HIVEP3: variants seen among roughly 807,000 people sequenced by gnomAD.
The protein encoded by HIVEP3 is HIVEP zinc finger 3.
HIVEP3 carries 49 observed loss-of-function variants against 152.8 expected under a neutral mutation model. The ratio of observed to expected loss-of-function variants is 0.32; its 90% confidence interval spans 0.26 to 0.41. HIVEP3 has a LOEUF of 0.41. HIVEP3 is among the 10% of genes least tolerant of loss of function. The probability of loss-of-function intolerance (pLI) is 1.00; values close to 1 mark genes in which losing one functional copy is unlikely to be tolerated. For missense variants in HIVEP3, 2,790 were observed against 3,103.3 expected (o/e 0.90, Z 2.40); for synonymous variants, 1,269 against 1,289.0 (o/e 0.98, Z 0.33).
chr1:41,780,208 G>A (rs1052803210), intron 1 of HIVEP3, among the ~76,000 whole-genome samples: 3 of 146,534 alleles, frequency 2.0e-5, no homozygotes, highest in African/African-American at 7.6e-5. Flanking sequence ...GCCAGTTCAT[G>A]TTGTGCAGAG....
intron 3 of HIVEP3, among the ~76,000 whole-genome samples, chr1:41,593,662 A>G (rs1206159499): frequency 6.6e-6 from 1 of 152,230 alleles, no homozygotes; most frequent in Non-Finnish European, 1.5e-5. Context: ...CCTCCTGCCT[A>G]TCTGGAATAT....
In HIVEP3 at chr1:41,524,890, T is replaced by C; in HGVS notation, c.5228A>G (p.Tyr1743Cys). The C allele has an allele frequency of 6.2e-7, 1 of 1,613,790 alleles. No homozygotes were observed. The highest frequency in any genetic ancestry group is 8.5e-7 in the Non-Finnish European group (1 of 1,179,862). Residue 1743 changes from tyrosine to cysteine, a missense_variant, in exon 6 of 9, where the codon TAT (tyrosine) becomes TGT (cysteine). Physicochemically the swap from Tyr to Cys is radical, Grantham distance 194. Around this residue, in one of 9 missense-constraint regions of HIVEP3, gnomAD observed 57 missense variants for 95.1 expected, o/e 0.60. Transcript: ENST00000372583. ...FEGGYKSNEE[Y>C]VYVRGRGRGK... ...TCGGCCGCGGCCTCGCACATATACA[T>C]ACTCTTCGTTTGATTTGTACCTATG...
chr1:41,749,331 C>A (rs1054156395), intron 1 of HIVEP3, among the ~76,000 whole-genome samples: 1 of 151,458 alleles, frequency 6.6e-6, no homozygotes, highest in Non-Finnish European at 1.5e-5. Flanking sequence ...GCAAAAAATG[C>A]ATATGATTCC....
intron 1 of HIVEP3, among the ~76,000 whole-genome samples, chr1:41,842,837 A>G (rs1020316466): frequency 2.6e-5 from 4 of 152,160 alleles, no homozygotes; most frequent in Non-Finnish European, 5.9e-5. Context: ...CACTAAGGCC[A>G]GCAGCCTCTT....
intron 2 of HIVEP3, among the ~76,000 whole-genome samples, chr1:41,658,770 C>T (rs1256605123): frequency 6.6e-6 from 1 of 152,192 alleles, no homozygotes; most frequent in African/African-American, 2.4e-5. Context: ...GAGTGCTCTG[C>T]AGCCGATCAG....
chr1:41,824,178 C>G (rs1161187707), intron 1 of HIVEP3, among the ~76,000 whole-genome samples: 2 of 152,162 alleles, frequency 1.3e-5, no homozygotes, highest in African/African-American at 4.8e-5. Context: ...ATGTAAGAAA[C>G]TGGTCCCAGG....
chr1:41,771,666 T>TTTTG (rs1648380160), intron 1 of HIVEP3, among the ~76,000 whole-genome samples: 1 of 152,018 alleles, frequency 6.6e-6, no homozygotes, highest in Non-Finnish European at 1.5e-5. Flanking sequence ...TGGCAGGTTT[T>TTTTG]TTTGTTTTGT....
At chr1:41,788,576 C>A (rs548477838) in intron 1 of HIVEP3, among the ~76,000 whole-genome samples, 1 of 151,756 alleles carries the variant, frequency 6.6e-6, no homozygotes, top group Non-Finnish European at 1.5e-5. Flanking sequence ...CCGGGCAAGC[C>A]CATTTGCTAC....
Position 41,512,858 on chromosome 1 carries a change from G to A in HIVEP3, c.6363C>T (p.His2121=). Residue 2121 remains histidine (H), a synonymous_variant, in exon 8 of 9, where the codon CAC becomes CAT. Coordinates refer to ENST00000372583, the MANE Select transcript of HIVEP3 (RefSeq NM_024503.5). ...TCTCTGGGCTTCTGCTGAGGAGCTT[G>A]TGAGGTAGAGGCGCGGGCGGGAAGA... is the stretch of plus-strand genomic sequence containing the variant. The part of the protein sequence containing the change: ...RVLFPPAPLP[H]KLLSRSPETC... The A allele has an allele frequency of 6.5e-7, 1 of 1,544,184 alleles. No homozygotes were observed. Among genetic ancestry groups the A allele is most frequent in the Non-Finnish European group, 8.8e-7 (1 of 1,140,402 alleles).
At chr1:41,959,582 C>T (rs1405281460) in intron 1 of HIVEP3, among the ~76,000 whole-genome samples, 1 of 152,244 alleles carries the variant, frequency 6.6e-6, no homozygotes, top group Non-Finnish European at 1.5e-5. Flanking sequence ...TTGGACATAA[C>T]ACCCTGTACA....
chr1:41,569,060 C>T (rs1644212740), intron 5 of HIVEP3, among the ~76,000 whole-genome samples: 1 of 152,202 alleles, frequency 6.6e-6, no homozygotes, highest in Admixed American at 6.5e-5. Context: ...GCACCTGCTT[C>T]CCCTTCACCT....
intron 1 of HIVEP3, among the ~76,000 whole-genome samples, chr1:41,853,706 G>T (rs979636564): frequency 3.9e-5 from 6 of 152,314 alleles, no homozygotes; most frequent in African/African-American, 7.2e-5. Flanking sequence ...GTTCCAGGCT[G>T]AGAGGAGTGA....
chr1:41,632,144 C>G (rs1645204013), intron 2 of HIVEP3, among the ~76,000 whole-genome samples: 1 of 152,184 alleles, frequency 6.6e-6, no homozygotes, highest in Non-Finnish European at 1.5e-5. Flanking sequence ...TTCTAGATTG[C>G]ATACAACTCA....
At chr1:41,972,241 C>T (rs1394112580) in intron 1 of HIVEP3, among the ~76,000 whole-genome samples, 1 of 152,198 alleles carries the variant, frequency 6.6e-6, no homozygotes, top group Admixed American at 6.5e-5. Context: ...TTTCCACCTC[C>T]CCTCTGCTAT....
intron 2 of HIVEP3, among the ~76,000 whole-genome samples, chr1:41,640,867 GCAGGAGGGCC>G (rs1035189312): frequency 4.6e-5 from 7 of 152,034 alleles, no homozygotes; most frequent in Non-Finnish European, 7.4e-5. Flanking sequence ...GCCTTGCACT[GCAGGAGGGCC>G]CAAGGCTCTG....
chr1:41,777,541 A>T (rs1648784554), intron 1 of HIVEP3, among the ~76,000 whole-genome samples: 1 of 152,236 alleles, frequency 6.6e-6, no homozygotes, highest in Non-Finnish European at 1.5e-5. Flanking sequence ...ACTATTATAT[A>T]GCCTAACACC....
intron 4 of HIVEP3, 35 bp from the exon 5 acceptor site, chr1:41,575,724 G>T (rs1558075238): frequency 4.4e-6 from 7 of 1,608,704 alleles, no homozygotes; most frequent in Non-Finnish European, 6.0e-6. Flanking sequence ...ATCATTGCTG[G>T]TTAAAAGTGC....
In HIVEP3 at chr1:41,513,348, A is replaced by G; in HGVS notation, c.5873T>C (p.Leu1958Ser). The stretch of plus-strand genomic sequence containing the variant: ...TCTTGGGGACACAGGCTTGTAGCTC[A>G]AGGCTGAGCCTGTGTCTTTCTCCAC... ...GSVEKDTGSA[L>S]SYKPVSPRRP... Residue 1958 changes from leucine (L) to serine (S), a missense_variant, in exon 8 of 9, where the codon TTG becomes TCG. Leu to Ser is a moderately radical substitution (Grantham distance 145). This residue lies in a region of HIVEP3 where 816 missense variants were observed against 806.5 expected (regional missense o/e 1.01). Coordinates refer to ENST00000372583, the MANE Select transcript of HIVEP3 (RefSeq NM_024503.5). The G allele has an allele frequency of 6.2e-7, 1 of 1,612,762 alleles. No individual in the cohort carries two copies. The highest frequency in any genetic ancestry group is 8.5e-7 in the Non-Finnish European group (1 of 1,179,944).
chr1:41,734,756 G>A (rs541050321), intron 1 of HIVEP3, among the ~76,000 whole-genome samples: 4 of 152,328 alleles, frequency 2.6e-5, no homozygotes, highest in East Asian at 1.9e-4. Context: ...GGGGCAGGAC[G>A]GCAGTTGAGG....
Sources: gnomAD v4.1 joint callset for allele counts (sites outside exome capture counted in the v4.1 genomes callset) on GRCh38, gnomAD v4.1.1 for gene constraint, gnomAD v4.1.1 regional missense constraint, MANE v1.5 for transcripts, NCBI Gene and HGNC (gene_info 2026-07-23, HGNC 2026-07-21) for gene names.